RTKN2: variants seen among roughly 807,000 people sequenced by gnomAD.
RTKN2 encodes the protein rhotekin-2.
In RTKN2, 69 loss-of-function variants were observed where a neutral mutation model predicts 71.5. The ratio of observed to expected loss-of-function variants is 0.96; its 90% CI spans 0.79 to 1.18. The LOEUF is 1.18. Among genes scored for constraint, RTKN2 ranks in the 50% most tolerant of loss-of-function variants. The pLI is 0.00. For missense variants in RTKN2, 724 were observed against 719.7 expected (o/e 1.01, Z -0.07); for synonymous variants, 236 against 236.5 (o/e 1.00, Z 0.02).
At chr10:62,264,671 T>C (rs1164761836) in intron 1 of RTKN2, among the ~76,000 whole-genome samples, 1 of 152,176 alleles carries the variant, frequency 6.6e-6, no homozygotes, top group East Asian at 1.9e-4. Context: ...AATTCAACTT[T>C]AGTTTTAAAT....
At chr10:62,244,543 T>G (rs536214257) in intron 3 of RTKN2, among the ~76,000 whole-genome samples, 183 of 68,790 alleles carry the variant, frequency 2.7e-3, no homozygotes, top group Middle Eastern at 0.014. Context: ...AACAGCAACT[T>G]AACATATGTC....
chr10:62,200,004 G>T, intron 10 of RTKN2, 143 bp from the exon 11 acceptor site: 1 of 554,996 alleles, frequency 1.8e-6, no homozygotes, highest in Non-Finnish European at 3.2e-6. Context: ...AGGGAGGCTT[G>T]CAGAAAAACC....
chr10:62,205,077 A>G, intron 9 of RTKN2, 55 bp from the exon 10 acceptor site: 1 of 1,381,772 alleles, frequency 7.2e-7, no homozygotes, highest in Non-Finnish European at 9.9e-7. Flanking sequence ...TGTAATGATC[A>G]AACAAATGTT....
chr10:62,226,649 G>C, intron 6 of RTKN2, among the ~76,000 whole-genome samples: 1 of 152,192 alleles, frequency 6.6e-6, no homozygotes, highest in Non-Finnish European at 1.5e-5. Flanking sequence ...ACTGCTGCTA[G>C]AACTAAGAGA....
chr10:62,258,674 T>G (rs1842717528), intron 2 of RTKN2, among the ~76,000 whole-genome samples: 1 of 152,234 alleles, frequency 6.6e-6, no homozygotes, highest in African/African-American at 2.4e-5. Flanking sequence ...TTCAAGATTT[T>G]TTTAATTCCA....
Position 62,197,816 on chromosome 10 carries a change from T to G in RTKN2, c.*92A>C, listed in dbSNP as rs930500504. 1.8e-5 allele frequency: 26 copies of G among 1,450,008 alleles called. No homozygotes were observed. Among genetic ancestry groups the G allele is most frequent in the Non-Finnish European group, 2.2e-5 (24 of 1,098,128 alleles). 89.8% of individuals were successfully genotyped at this position (1,450,008 alleles called of 1,614,324 possible). On this transcript the variant is annotated 3_prime_UTR_variant, in exon 12 of 12. Coordinates refer to ENST00000373789, the MANE Select transcript of RTKN2 (RefSeq NM_145307.4). The stretch of plus-strand genomic sequence containing the variant: ...TTAATTATTGGTATAAATCACTATA[T>G]TTACCTATATAATTACACATTATTC...
chr10:62,268,575 G>A lies in RTKN2; in HGVS notation c.36C>T (p.Arg12=), dbSNP rs759713447. ...EGPSLRGPAL[R]LAGLPTQQDC... The stretch of plus-strand genomic sequence containing the variant: ...CCTGCTGGGTGGGAAGCCCCGCCAG[G>A]CGGAGCGCAGGACCCCTCAGGCTCG... The change falls in exon 1 of 12, where the codon CGC becomes CGT. Residue 12 remains arginine (R), a synonymous_variant. Coordinates refer to ENST00000373789, the MANE Select transcript of RTKN2 (RefSeq NM_145307.4). 3 of 1,566,134 alleles carry A rather than the reference G, an allele frequency of 1.9e-6. No individual in the cohort carries two copies. Among genetic ancestry groups the A allele is most frequent in the Non-Finnish European group, 2.6e-6 (3 of 1,155,176 alleles).
chr10:62,260,283 T>C (rs1179061742), intron 2 of RTKN2, among the ~76,000 whole-genome samples: 8 of 152,254 alleles, frequency 5.3e-5, no homozygotes, highest in African/African-American at 1.4e-4. Flanking sequence ...CTGCAAGCGG[T>C]AGATATTCAG....
At position 62,261,065 on chromosome 10, in the gene RTKN2, T is replaced by C. The variant is rs182064839; in HGVS notation, c.257+1560A>G. ...AAGAAGACATGCCATATTTATTCTA[T>C]GACTTTGCATCATGTACTCTCAGTG... On this transcript the variant is annotated intron_variant, in intron 2 of 11. Coordinates refer to ENST00000373789, the MANE Select transcript of RTKN2 (RefSeq NM_145307.4). Among the ~76,000 whole-genome samples the C allele has an allele frequency of 1.2e-3, 177 of 152,338 alleles. 2 individuals carry two copies. Among genetic ancestry groups the C allele is most frequent in the Admixed American group, 2.7e-3 (41 of 15,302 alleles).
chr10:62,187,277 C>CAA (rs35517716), intron 8 of RTKN2, among the ~76,000 whole-genome samples: 20 of 120,284 alleles, frequency 1.7e-4, no homozygotes, highest in African/African-American at 3.9e-4. Flanking sequence ...TCACAAATCA[C>CAA]AAAAAAAAAA....
intron 6 of RTKN2, among the ~76,000 whole-genome samples, chr10:62,230,565 CA>C (rs1191214317): frequency 1.3e-5 from 2 of 152,306 alleles, no homozygotes; most frequent in East Asian, 3.9e-4. Flanking sequence ...AAAGCATTGT[CA>C]TACTTCATCT....
intron 3 of RTKN2, among the ~76,000 whole-genome samples, chr10:62,241,746 T>C (rs942713079): frequency 3.3e-4 from 51 of 152,268 alleles, no homozygotes; most frequent in African/African-American, 1.2e-3. Context: ...TTGCCCAGGC[T>C]GGAGTGCAGT....
chr10:62,200,443 AT>A (rs1841420507), intron 10 of RTKN2, among the ~76,000 whole-genome samples: 1 of 151,698 alleles, frequency 6.6e-6, no homozygotes, highest in East Asian at 1.9e-4. Context: ...TCTCTAGGCT[AT>A]TAAATACTAT....
chr10:62,205,484 C>G (rs977714128), intron 9 of RTKN2, among the ~76,000 whole-genome samples: 1 of 152,064 alleles, frequency 6.6e-6, no homozygotes, highest in Non-Finnish European at 1.5e-5. Flanking sequence ...TGCATAATAT[C>G]TAGTGCTATC....
rs187939716 is a variant in RTKN2, at chr10:62,195,818, G to A, written c.*2090C>T. ...GAGACCGAATAATTTGGTGGGGAGG[G>A]GGTGGTGGTCCTTGCTCAGGCTTTT... On this transcript the variant is annotated 3_prime_UTR_variant, in exon 12 of 12. Coordinates refer to ENST00000373789, the MANE Select transcript of RTKN2 (RefSeq NM_145307.4). 1.1e-3 allele frequency: 1,054 copies of A among 985,460 alleles called. 9 individuals carry two copies. The African/African-American group carries it at 0.017, about 16-fold the overall frequency. 61.0% of individuals were successfully genotyped at this position (985,460 alleles called of 1,614,324 possible).
chr10:62,201,550 C>T (rs893937738), intron 10 of RTKN2, among the ~76,000 whole-genome samples: 4 of 151,906 alleles, frequency 2.6e-5, no homozygotes, highest in African/African-American at 9.7e-5. Context: ...ATATAAGAGC[C>T]AGTTTTTTTC....
rs1214675992 is a variant in RTKN2 at position 62,197,676 on chromosome 10, G to T, written c.*232C>A. 2 of 1,330,464 alleles carry T rather than the reference G, an allele frequency of 1.5e-6. No individual in the cohort carries two copies. Among genetic ancestry groups the T allele is most frequent in the Non-Finnish European group, 1.9e-6 (2 of 1,044,394 alleles). 82.4% of individuals were successfully genotyped at this position (1,330,464 alleles called of 1,614,324 possible). On this transcript the variant is annotated 3_prime_UTR_variant, in exon 12 of 12. Transcript: ENST00000373789. ...TAACCCTTCCAACAATTAGGATATT[G>T]TCTAGAAACTGCCTCTTGCACACTG... is the stretch of plus-strand genomic sequence containing the variant.
chr10:62,192,393 A>T (rs191806638), downstream of RTKN2, among the ~76,000 whole-genome samples: 1 of 152,190 alleles, frequency 6.6e-6, no homozygotes. Context: ...GAAAAATCTG[A>T]TAAGATGTGG....
At chr10:62,189,827 T>TG (rs1841192542), downstream of RTKN2, among the ~76,000 whole-genome samples, 1 of 150,844 alleles carries the variant, frequency 6.6e-6, no homozygotes, top group Non-Finnish European at 1.5e-5. Flanking sequence ...TTTTTTTTTT[T>TG]CTTAAAATAA....
Sources: gnomAD v4.1 joint callset for allele counts (sites outside exome capture counted in the v4.1 genomes callset) on GRCh38, gnomAD v4.1.1 for gene constraint, MANE v1.5 for transcripts, NCBI Gene and HGNC (gene_info 2026-07-23, HGNC 2026-07-21) for gene names.